Variants in RAPGEF6 observed in about 807,000 individuals in gnomAD.
RAPGEF6 encodes the protein PDZ domain containing guanine nucleotide exchange factor (GEF) 2.
A neutral mutation model predicts 171.4 loss-of-function variants in RAPGEF6; 56 were observed. That is an observed-to-expected ratio of 0.33 (90% CI 0.26 to 0.41). RAPGEF6 has a LOEUF of 0.41. Among genes scored for constraint, RAPGEF6 ranks in the 10% least tolerant of loss-of-function variants. The pLI, the probability that RAPGEF6 is intolerant of heterozygous loss-of-function variation, is 1.00. For synonymous variants in RAPGEF6, 692 were observed against 650.1 expected, an observed-to-expected ratio of 1.06 and a Z score of -0.98; for missense variants, 1,674 against 1,921.4, an observed-to-expected ratio of 0.87 and a Z score of 2.41.
intron 4 of RAPGEF6, among the ~76,000 whole-genome samples, chr5:131,585,122 A>C (rs1763169296): frequency 6.6e-6 from 1 of 152,180 alleles, no homozygotes; most frequent in Non-Finnish European, 1.5e-5. Context: ...TGGATATTTG[A>C]TTTACATAAA....
intron 27 of RAPGEF6, among the ~76,000 whole-genome samples, 197 bp downstream of exon 27, chr5:131,428,705 G>A (rs1042146394): frequency 5.3e-5 from 8 of 151,770 alleles, no homozygotes; most frequent in African/African-American, 1.9e-4. Context: ...CAGGTGATTC[G>A]CCCGCCTCAG....
At chr5:131,440,102 C>T (rs562734182) in intron 23 of RAPGEF6, 7 of 401,338 alleles carry the variant, frequency 1.7e-5, no homozygotes, top group East Asian at 7.3e-5. Flanking sequence ...GTCGGGGCGA[C>T]GCATGTGGCA....
At chr5:131,625,831 T>A (rs1172775217) in intron 1 of RAPGEF6, among the ~76,000 whole-genome samples, 2 of 148,420 alleles carry the variant, frequency 1.3e-5, no homozygotes, top group Admixed American at 1.4e-4. Flanking sequence ...AAAAAAACCA[T>A]ACTTCTTGGT....
At chr5:131,633,821 C>T (rs1042007995) in intron 1 of RAPGEF6, among the ~76,000 whole-genome samples, 1 of 152,178 alleles carries the variant, frequency 6.6e-6, no homozygotes, top group Admixed American at 6.5e-5. Flanking sequence ...GCTATAAAGG[C>T]TGTAAGATAA....
intron 3 of RAPGEF6, among the ~76,000 whole-genome samples, chr5:131,598,974 G>A (rs1381617378): frequency 6.6e-6 from 1 of 152,182 alleles, no homozygotes; most frequent in African/African-American, 2.4e-5. Context: ...GTACAAGCCT[G>A]AGTTACTCTA....
At chr5:131,529,424 G>A (rs992664915) in intron 6 of RAPGEF6, among the ~76,000 whole-genome samples, 73 of 151,516 alleles carry the variant, frequency 4.8e-4, no homozygotes, top group Middle Eastern at 3.4e-3. Flanking sequence ...TGCAGTGAGC[G>A]GAGATTGCAC....
chr5:131,603,278 G>C lies in RAPGEF6; in HGVS notation c.190C>G (p.Leu64Val). The stretch of plus-strand genomic sequence containing the variant: ...AATTATGGAAATACTTACCAAAAGA[G>C]AACCTGATTGCCACTGTATCTCTCA... ...RYERYSGNQV[L>V]FCSETIARCW... The change falls in exon 3 of 28, where the codon CTC (leucine) becomes GTC (valine). Residue 64 changes from leucine to valine, a missense_variant. By Grantham distance (32) the Leu-to-Val change is conservative. This residue lies in a region of RAPGEF6 where 1,116 missense variants were observed against 1,321.5 expected (regional missense o/e 0.84). Coordinates refer to ENST00000509018, the MANE Select transcript of RAPGEF6 (RefSeq NM_016340.6). The C allele has an allele frequency of 2.5e-6, 4 of 1,583,926 alleles. No homozygotes were observed. The highest frequency in any genetic ancestry group is 3.4e-6 in the Non-Finnish European group (4 of 1,166,436).
intron 19 of RAPGEF6, among the ~76,000 whole-genome samples, chr5:131,459,182 T>G (rs77169509): frequency 0.013 from 1,984 of 152,290 alleles, 52 homozygotes; most frequent in African/African-American, 0.046. Context: ...GTGTTAGATT[T>G]CAGTACATAA....
chr5:131,567,075 CAA>C (rs1761993709), intron 4 of RAPGEF6, among the ~76,000 whole-genome samples: 1 of 131,826 alleles, frequency 7.6e-6, no homozygotes, highest in African/African-American at 2.8e-5. Flanking sequence ...GCCTGGGCGA[CAA>C]GAGCAAAACT....
intron 16 of RAPGEF6, 57 bp from the exon 17 acceptor site, chr5:131,472,801 CG>C: frequency 6.8e-7 from 1 of 1,467,852 alleles, no homozygotes; most frequent in Admixed American, 1.8e-5. Flanking sequence ...AAGTAGTAAA[CG>C]TTTCTGTTCC....
chr5:131,597,183 C>G (rs1487980776), intron 3 of RAPGEF6, among the ~76,000 whole-genome samples: 9 of 152,036 alleles, frequency 5.9e-5, no homozygotes, highest in Admixed American at 5.2e-4. Context: ...CCACTTCATT[C>G]CAGTGAGAAT....
At chr5:131,515,065 C>A (rs1757987365) in intron 7 of RAPGEF6, among the ~76,000 whole-genome samples, 1 of 152,142 alleles carries the variant, frequency 6.6e-6, no homozygotes, top group South Asian at 2.1e-4. Flanking sequence ...CCCAAATAAA[C>A]CACCAGAGGA....
At chr5:131,632,075 CAAA>C (rs529399752) in intron 1 of RAPGEF6, among the ~76,000 whole-genome samples, 99 of 63,722 alleles carry the variant, frequency 1.6e-3, no homozygotes, top group Middle Eastern at 8.5e-3. Context: ...GACTCTGTCT[CAAA>C]AAAAAAAAAA....
chr5:131,449,582 CT>C (rs1752929491), intron 21 of RAPGEF6, among the ~76,000 whole-genome samples: 1 of 152,176 alleles, frequency 6.6e-6, no homozygotes, highest in South Asian at 2.1e-4. Flanking sequence ...TAGAACTAGA[CT>C]ACCTAGTTTT....
chr5:131,429,311 C>A, intron 26 of RAPGEF6, 95 bp from the exon 27 acceptor site: 1 of 1,091,030 alleles, frequency 9.2e-7, no homozygotes, highest in Non-Finnish European at 1.3e-6. Flanking sequence ...CAAAATACAA[C>A]TTAAAAATAG....
At chr5:131,619,067 G>C (rs2150031909) in intron 1 of RAPGEF6, among the ~76,000 whole-genome samples, 1 of 151,736 alleles carries the variant, frequency 6.6e-6, no homozygotes, top group East Asian at 1.9e-4. Flanking sequence ...AAACAGGACT[G>C]TTCTAGATTA....
chr5:131,501,637 G>C (rs966702782), intron 11 of RAPGEF6, among the ~76,000 whole-genome samples: 1 of 151,858 alleles, frequency 6.6e-6, no homozygotes, highest in African/African-American at 2.4e-5. Flanking sequence ...GGGAGACAGG[G>C]TGCACAGAGG....
chr5:131,552,345 G>C (rs1409113445), intron 5 of RAPGEF6, among the ~76,000 whole-genome samples: 1 of 151,942 alleles, frequency 6.6e-6, no homozygotes, highest in Non-Finnish European at 1.5e-5. Context: ...CCTTCATCCA[G>C]ATCTGTAGTT....
intron 8 of RAPGEF6, among the ~76,000 whole-genome samples, chr5:131,509,962 C>A (rs903495047): frequency 1.3e-5 from 2 of 152,130 alleles, no homozygotes; most frequent in Non-Finnish European, 2.9e-5. Context: ...CCTAAGTTCC[C>A]CTTAAGTATG....
Sources: gnomAD v4.1 joint callset for allele counts (sites outside exome capture counted in the v4.1 genomes callset) on GRCh38, gnomAD v4.1.1 for gene constraint, gnomAD v4.1.1 regional missense constraint, MANE v1.5 for transcripts, NCBI Gene and HGNC (gene_info 2026-07-23, HGNC 2026-07-21) for gene names.